Variants in SLC24A2 observed in about 807,000 individuals in gnomAD.
SLC24A2 encodes sodium/potassium/calcium exchanger 2.
SLC24A2 carries 36 observed loss-of-function variants against 62.0 expected under a neutral mutation model. The observed-to-expected ratio is 0.58, with a 90% CI of 0.44 to 0.77. SLC24A2 has a LOEUF of 0.77. Ranked by LOEUF, SLC24A2 falls within the 30% of genes least tolerant of loss-of-function variation. The pLI, the probability that SLC24A2 is intolerant of heterozygous loss-of-function variation, is 0.00. For missense variants in SLC24A2, 846 were observed against 817.9 expected, an observed-to-expected ratio of 1.03 and a Z score of -0.42; for synonymous variants, 358 against 294.0, an observed-to-expected ratio of 1.22 and a Z score of -2.23.
At chr9:20,136,678 T>C in the SLC24A2 span, among the ~76,000 whole-genome samples, 1 of 152,110 alleles carries the variant, frequency 6.6e-6, no homozygotes, top group African/African-American at 2.4e-5. Context: ...CAGGTCTCAC[T>C]TAGGATTAAT....
At chr9:19,576,276 T>C (rs1836007042) in intron 6 of SLC24A2, among the ~76,000 whole-genome samples, 1 of 152,248 alleles carries the variant, frequency 6.6e-6, no homozygotes, top group South Asian at 2.1e-4. Context: ...GAGAGCTATA[T>C]TATAGTTACA....
the SLC24A2 span, among the ~76,000 whole-genome samples, chr9:19,934,262 G>T: frequency 6.6e-6 from 1 of 152,186 alleles, no homozygotes; most frequent in East Asian, 1.9e-4. The surrounding 1 kb of genome is among the most constrained non-coding windows in gnomAD (Gnocchi z 4.1). Flanking sequence ...GGGTGGCCGG[G>T]CCTCAAAGCA....
At chr9:20,107,371 G>C in the SLC24A2 span, among the ~76,000 whole-genome samples, 13 of 151,456 alleles carry the variant, frequency 8.6e-5, no homozygotes, top group African/African-American at 3.2e-4. Context: ...AACCAAAAAA[G>C]AGCCCACATT....
At chr9:19,519,346 T>TC (rs1833082093) in intron 10 of SLC24A2, among the ~76,000 whole-genome samples, 1 of 122,122 alleles carries the variant, frequency 8.2e-6, no homozygotes, top group East Asian at 2.9e-4. Context: ...TCTTTAAACT[T>TC]CCTTGTGTGT....
chr9:20,062,305 T>G, the SLC24A2 span, among the ~76,000 whole-genome samples: 7 of 151,286 alleles, frequency 4.6e-5, no homozygotes, highest in Non-Finnish European at 2.9e-5. Context: ...TATAGATAAA[T>G]GGAACAGAAC....
chr9:19,760,666 G>A (rs562126707), intron 2 of SLC24A2, among the ~76,000 whole-genome samples: 11 of 152,044 alleles, frequency 7.2e-5, no homozygotes, highest in African/African-American at 9.6e-5. Context: ...GGTTTCCAGC[G>A]TCATCTATGT....
intron 2 of SLC24A2, among the ~76,000 whole-genome samples, chr9:19,775,716 G>A (rs1822826883): frequency 6.6e-6 from 1 of 152,180 alleles, no homozygotes; most frequent in Admixed American, 6.6e-5. Flanking sequence ...CAGGCCAAAA[G>A]ACACCTTTGC....
the SLC24A2 span, among the ~76,000 whole-genome samples, chr9:19,845,209 C>T: frequency 6.6e-6 from 1 of 152,106 alleles, no homozygotes; most frequent in Non-Finnish European, 1.5e-5. Context: ...TTTTAAAATT[C>T]TCCTTGTAAA....
At chr9:20,180,399 C>A in the SLC24A2 span, among the ~76,000 whole-genome samples, 1 of 151,916 alleles carries the variant, frequency 6.6e-6, no homozygotes, top group Non-Finnish European at 1.5e-5. Context: ...GTCTGTTACC[C>A]GTCTTTGTAA....
At chr9:19,953,243 T>A in the SLC24A2 span, among the ~76,000 whole-genome samples, 2 of 152,010 alleles carry the variant, frequency 1.3e-5, no homozygotes. Context: ...CCATTCTCTA[T>A]TGTATTGATA....
the SLC24A2 span, among the ~76,000 whole-genome samples, chr9:20,050,465 T>A: frequency 2.0e-5 from 3 of 152,032 alleles, no homozygotes; most frequent in East Asian, 1.9e-4. Context: ...ACTTTCCAAG[T>A]CTACTTGACT....
the SLC24A2 span, among the ~76,000 whole-genome samples, chr9:20,184,973 C>G: frequency 6.6e-6 from 1 of 152,102 alleles, no homozygotes; most frequent in Non-Finnish European, 1.5e-5. Context: ...GGACATTATG[C>G]TAAGTGAAAT....
intron 2 of SLC24A2, among the ~76,000 whole-genome samples, chr9:19,647,068 GCACACACACACACACA>G (rs142480390): frequency 7.5e-5 from 6 of 80,008 alleles, no homozygotes; most frequent in Admixed American, 2.7e-4. Flanking sequence ...ACACACGCGC[GCACACACACACACACA>G]CACACACACA....
chr9:20,145,797 A>T, the SLC24A2 span, among the ~76,000 whole-genome samples: 1 of 151,996 alleles, frequency 6.6e-6, no homozygotes, highest in Admixed American at 6.6e-5. Flanking sequence ...ATATGTGTAT[A>T]TGCATATATG....
In SLC24A2 at chr9:19,530,042, C is replaced by T. The variant is rs143693198; in HGVS notation, c.1480-1904G>A. Among the ~76,000 whole-genome samples the T allele has an allele frequency of 1.5e-3, 224 of 151,314 alleles. 3 individuals are homozygous for T. Among genetic ancestry groups the T allele is most frequent in the African/African-American group, 3.2e-3 (132 of 41,230 alleles). On this transcript the variant is annotated intron_variant, in intron 8 of 10. Transcript: ENST00000341998. ...TGCTAGGATTACAGGTGTAAGCCACCGCACCCAGCCATTAGATCTTTACTT... is the reference window on the plus strand; with the variant it reads ...TGCTAGGATTACAGGTGTAAGCCACTGCACCCAGCCATTAGATCTTTACTT...
At chr9:19,850,955 A>T in the SLC24A2 span, among the ~76,000 whole-genome samples, 8 of 25,476 alleles carry the variant, frequency 3.1e-4, no homozygotes, top group Admixed American at 1.0e-3. Context: ...ACATATATAT[A>T]TATATATATA....
chr9:20,295,190 T>C, the SLC24A2 span, among the ~76,000 whole-genome samples: 1 of 152,090 alleles, frequency 6.6e-6, no homozygotes, highest in East Asian at 1.9e-4. Flanking sequence ...TCCTAACATC[T>C]AAAATCCCTA....
the SLC24A2 span, among the ~76,000 whole-genome samples, chr9:20,288,777 G>T: frequency 2.7e-5 from 4 of 149,864 alleles, no homozygotes; most frequent in East Asian, 7.9e-4. Context: ...TGCAATGGAA[G>T]AGACACAATG....
chr9:20,035,748 A>T, the SLC24A2 span, among the ~76,000 whole-genome samples: 1 of 152,058 alleles, frequency 6.6e-6, no homozygotes, highest in African/African-American at 2.4e-5. Context: ...CAGAGTGAGA[A>T]CCTGTCTCAA....
Sources: allele counts gnomAD v4.1 joint callset (sites outside exome capture counted in the v4.1 genomes callset), GRCh38; gene constraint gnomAD v4.1.1; non-coding constraint Gnocchi (gnomAD v3.1); transcripts MANE v1.5; gene names NCBI Gene and HGNC (gene_info 2026-07-23, HGNC 2026-07-21).